SLC14A2: variants seen among roughly 807,000 people sequenced by gnomAD.
SLC14A2 encodes the protein solute carrier family 14 member 2, also known as urea transporter 2.
In SLC14A2, 91 loss-of-function variants were observed where a neutral mutation model predicts 104.6. That is an observed-to-expected ratio of 0.87 (90% CI 0.73 to 1.04). The LOEUF (loss-of-function observed/expected upper bound fraction) is 1.04, where lower values mean the gene tolerates loss of function less well. SLC14A2 is among the 50% of genes least tolerant of loss of function. The probability of loss-of-function intolerance (pLI) is 0.00; values close to 1 mark genes in which losing one functional copy is unlikely to be tolerated. For missense variants in SLC14A2, 1,189 were observed against 1,156.0 expected (o/e 1.03, Z -0.41); for synonymous variants, 476 against 466.4 (o/e 1.02, Z -0.27).
At chr18:45,626,846 G>GGAA in intron 3 of SLC14A2, 112 bp from the exon 4 acceptor site, 4 of 771,468 alleles carry the variant, frequency 5.2e-6, no homozygotes, top group Non-Finnish European at 8.2e-6. Flanking sequence ...TGGCTGAATG[G>GGAA]GAAGGGTCCT....
At chr18:45,598,039 T>C (rs1298197397) in intron 2 of SLC14A2, among the ~76,000 whole-genome samples, 8 of 152,014 alleles carry the variant, frequency 5.3e-5, no homozygotes, top group African/African-American at 1.5e-4. Context: ...AGGTTCCCAA[T>C]ACATTTTGCA....
chr18:45,668,573 T>C lies in SLC14A2; in HGVS notation c.2036+96T>C, dbSNP rs1479361493. ...CGTCTGTCTAAACGTGATATTAAAG[T>C]GGCATGTATTTAGCTTGCACATCAG... On this transcript the variant is annotated intron_variant, in intron 15 of 19. Transcript: ENST00000255226. 6 of 1,372,016 alleles carry C rather than the reference T, an allele frequency of 4.4e-6. No individual in the cohort carries two copies. The African/African-American group carries it at 5.7e-5, about 13-fold the overall frequency. 85.0% of individuals were successfully genotyped at this position (1,372,016 alleles called of 1,614,324 possible).
chr18:45,396,242 A>G (rs2086028980), intron 1 of SLC14A2, among the ~76,000 whole-genome samples: 1 of 152,180 alleles, frequency 6.6e-6, no homozygotes, highest in Admixed American at 6.5e-5. Flanking sequence ...TTGTCATCCA[A>G]TAGCTAGTCT....
At chr18:45,576,630 G>A (rs77823128) in intron 2 of SLC14A2, among the ~76,000 whole-genome samples, 8,838 of 152,018 alleles carry the variant, frequency 0.058, 276 homozygotes, top group African/African-American at 0.069. Flanking sequence ...TGAGAAGGCT[G>A]GAACAGCAGG....
intron 2 of SLC14A2, among the ~76,000 whole-genome samples, chr18:45,545,399 A>G (rs1013321517): frequency 2.0e-5 from 3 of 152,154 alleles, no homozygotes; most frequent in Non-Finnish European, 4.4e-5. Flanking sequence ...GTTGCTATTT[A>G]TCATGCTCTT....
intron 1 of SLC14A2, among the ~76,000 whole-genome samples, chr18:45,615,944 G>A (rs932709965): frequency 2.0e-5 from 3 of 152,036 alleles, no homozygotes; most frequent in Non-Finnish European, 4.4e-5. Context: ...GGCCAGGAAG[G>A]CACCATGGCC....
chr18:45,346,033 A>G (rs2085444374), intron 1 of SLC14A2, among the ~76,000 whole-genome samples: 1 of 152,226 alleles, frequency 6.6e-6, no homozygotes, highest in Admixed American at 6.5e-5. Flanking sequence ...GTATCTCACC[A>G]TAGTTTAGTC....
chr18:45,199,243 A>G, the SLC14A2 span, among the ~76,000 whole-genome samples: 1 of 152,196 alleles, frequency 6.6e-6, no homozygotes, highest in South Asian at 2.1e-4. Context: ...GTGTGTACAC[A>G]TTAGGCTTTT....
intron 1 of SLC14A2, among the ~76,000 whole-genome samples, chr18:45,224,617 C>A (rs1390661334): frequency 6.6e-6 from 1 of 152,020 alleles, no homozygotes; most frequent in African/African-American, 2.4e-5. Context: ...CTATTTGACA[C>A]TTATCTGCCA....
the SLC14A2 span, among the ~76,000 whole-genome samples, chr18:45,201,043 C>T: frequency 2.4e-4 from 36 of 151,946 alleles, no homozygotes; most frequent in Admixed American, 6.6e-4. Context: ...TGACCATGAC[C>T]GTAACAGTTT....
At chr18:45,192,218 G>A in the SLC14A2 span, among the ~76,000 whole-genome samples, 2 of 151,994 alleles carry the variant, frequency 1.3e-5, no homozygotes, top group African/African-American at 2.4e-5. Flanking sequence ...TTGGAGGTGT[G>A]GTATCAGGCA....
chr18:45,337,325 A>G (rs1374779952), intron 1 of SLC14A2, among the ~76,000 whole-genome samples: 1 of 152,224 alleles, frequency 6.6e-6, no homozygotes, highest in Non-Finnish European at 1.5e-5. Context: ...CTCAGAAGTA[A>G]AAGGTAGAAG....
rs139281657 is a variant in SLC14A2 at position 45,487,745 on chromosome 18, A to T, written c.-35+4423A>T. On this transcript the variant is annotated intron_variant, in intron 2 of 20. Coordinates refer to the SLC14A2 transcript ENST00000586448. The stretch of plus-strand genomic sequence containing the variant: ...ACAAGGTCCAGCTGACCCCTTGGGG[A>T]TACCTAAAATGGGATGGCCTCTCAG... Among the ~76,000 whole-genome samples, 134 of 152,248 alleles carry T rather than the reference A, an allele frequency of 8.8e-4. 1 individual carries two copies. Among genetic ancestry groups the T allele is most frequent in the African/African-American group, 3.1e-3 (127 of 41,554 alleles).
chr18:45,405,880 C>T (rs2144471331), intron 1 of SLC14A2, among the ~76,000 whole-genome samples: 1 of 135,930 alleles, frequency 7.4e-6, no homozygotes, highest in South Asian at 2.3e-4. Context: ...GCCTGTGCGA[C>T]AGGGAGACTC....
At chr18:45,370,796 A>G (rs2085715036) in intron 1 of SLC14A2, among the ~76,000 whole-genome samples, 1 of 152,204 alleles carries the variant, frequency 6.6e-6, no homozygotes, top group Non-Finnish European at 1.5e-5. Context: ...AGCGACTGGA[A>G]CACTGTCATC....
intron 18 of SLC14A2, 52 bp from the exon 19 acceptor site, chr18:45,678,923 T>C: frequency 1.4e-6 from 2 of 1,477,594 alleles, no homozygotes; most frequent in South Asian, 1.2e-5. Flanking sequence ...AATCTTGAGG[T>C]GCTATTAAAT....
At chr18:45,201,817 G>A in the SLC14A2 span, among the ~76,000 whole-genome samples, 1 of 152,070 alleles carries the variant, frequency 6.6e-6, no homozygotes, top group Non-Finnish European at 1.5e-5. Flanking sequence ...GGAATAGGGT[G>A]AATGACCTTA....
chr18:45,673,650 A>G, intron 17 of SLC14A2, 33 bp from the exon 18 acceptor site: 1 of 1,609,382 alleles, frequency 6.2e-7, no homozygotes, highest in Admixed American at 1.7e-5. Context: ...ATAAGACCCT[A>G]GACCCAACCC....
intron 11 of SLC14A2, 73 bp downstream of exon 11, chr18:45,663,980 A>T (rs1227141362): frequency 6.9e-7 from 1 of 1,457,906 alleles, no homozygotes; most frequent in Non-Finnish European, 9.2e-7. Flanking sequence ...CAATGGCAAT[A>T]CCTACTTCAC....
Sources: allele counts gnomAD v4.1 joint callset (sites outside exome capture counted in the v4.1 genomes callset), GRCh38; gene constraint gnomAD v4.1.1; transcripts MANE v1.5; gene names NCBI Gene and HGNC (gene_info 2026-07-23, HGNC 2026-07-21).